FBRSL1: variants seen among roughly 807,000 people sequenced by gnomAD.
FBRSL1 encodes fibrosin like 1.
A neutral mutation model predicts 89.6 loss-of-function variants in FBRSL1; 51 were observed. That is an observed-to-expected ratio of 0.57 (90% CI 0.45 to 0.72). The LOEUF (loss-of-function observed/expected upper bound fraction) is 0.72, where lower values mean the gene tolerates loss of function less well. Among genes scored for constraint, FBRSL1 ranks in the 30% least tolerant of loss-of-function variants. The pLI, the probability that FBRSL1 is intolerant of heterozygous loss-of-function variation, is 0.00. For synonymous variants in FBRSL1, 779 were observed against 681.1 expected, an observed-to-expected ratio of 1.14 and a Z score of -2.24; for missense variants, 1,618 against 1,451.8, an observed-to-expected ratio of 1.11 and a Z score of -1.86.
In FBRSL1 at chr12:132,582,974, C is replaced by T. The variant is rs1381426998; in HGVS notation, c.2205C>T (p.Asp735=). ...GGGTCCGCCCTGCCGCCCCCAGGGA[C>T]CTCCTGGAGAAGACGCGCCTGCTGA... ...PDNGKEEQER[D]LLEKTRLLSR... is the part of the protein sequence containing the mutation. Residue 735 remains aspartate (D), a synonymous_variant, in exon 19 of 19, where the codon GAC becomes GAT. Transcript: ENST00000680143. 4.9e-6 allele frequency: 7 copies of T among 1,424,990 alleles called. No homozygotes were observed. The highest frequency in any genetic ancestry group is 1.4e-5 in the South Asian group (1 of 69,920). 88.3% of individuals were successfully genotyped at this position (1,424,990 alleles called of 1,614,324 possible).
intron 15 of FBRSL1, chr12:132,580,839 C>T (rs2040695509): frequency 1.0e-6 from 1 of 985,480 alleles, no homozygotes; most frequent in Non-Finnish European, 1.2e-6. Context: ...CCCTGACCAA[C>T]AGCACTGAAT....
intron 3 of FBRSL1, 121 bp downstream of exon 3, chr12:132,525,944 G>A (rs755722399): frequency 3.4e-5 from 27 of 790,168 alleles, no homozygotes; most frequent in East Asian, 8.2e-5. Context: ...GCACAAGGGC[G>A]TCCAGTCCGA....
intron 1 of FBRSL1, among the ~76,000 whole-genome samples, chr12:132,504,991 G>A (rs576654721): frequency 2.6e-5 from 4 of 152,292 alleles, no homozygotes; most frequent in African/African-American, 9.6e-5. Flanking sequence ...AATTAGCTGG[G>A]CGTGGTGACC....
At chr12:132,506,891 CAA>C (rs1343378403) in intron 1 of FBRSL1, 4 of 152,478 alleles carry the variant, frequency 2.6e-5, no homozygotes, top group East Asian at 1.9e-4. Context: ...CCGGAAACAG[CAA>C]AGAGTTGGAG....
chr12:132,501,572 G>A (rs541588757), intron 1 of FBRSL1, among the ~76,000 whole-genome samples: 1 of 152,206 alleles, frequency 6.6e-6, no homozygotes, highest in East Asian at 1.9e-4. Flanking sequence ...ACAGGGGCCA[G>A]TGTGGGCCAT....
At chr12:132,512,827 C>T (rs1414810832) in intron 2 of FBRSL1, among the ~76,000 whole-genome samples, 3 of 152,208 alleles carry the variant, frequency 2.0e-5, no homozygotes, top group African/African-American at 7.2e-5. Flanking sequence ...GTCCCTGTGG[C>T]CAACAGCTGG....
chr12:132,545,540 T>G (rs961539984), intron 4 of FBRSL1, among the ~76,000 whole-genome samples: 10 of 152,212 alleles, frequency 6.6e-5, no homozygotes, highest in African/African-American at 2.4e-4. Context: ...CTCCTTGCTG[T>G]TGGATGCATT....
At chr12:132,542,080 G>T (rs1261879693) in intron 4 of FBRSL1, among the ~76,000 whole-genome samples, 1 of 152,248 alleles carries the variant, frequency 6.6e-6, no homozygotes, top group Non-Finnish European at 1.5e-5. Flanking sequence ...CACATGCCAC[G>T]TACAGACATT....
In FBRSL1 at chr12:132,504,357, G is replaced by C. The variant is rs147702100; in HGVS notation, c.292-3796G>C. Among the ~76,000 whole-genome samples the C allele has an allele frequency of 2.6e-5, 4 of 152,348 alleles. No individual in the cohort carries two copies. The East Asian group carries it at 7.7e-4, about 29-fold the overall frequency. Reference sequence around the variant, plus strand: ...GCTGTATGGTAATGACATTAAGAGAGCCAAAAGCAGTCGCATAGAATTGCT... The same window carrying C: ...GCTGTATGGTAATGACATTAAGAGACCCAAAAGCAGTCGCATAGAATTGCT... On this transcript the variant is annotated intron_variant, in intron 1 of 18. Coordinates refer to ENST00000680143, the MANE Select transcript of FBRSL1 (RefSeq NM_001367871.1).
intron 11 of FBRSL1, among the ~76,000 whole-genome samples, chr12:132,573,675 G>A (rs1262867032): frequency 6.6e-6 from 1 of 152,062 alleles, no homozygotes; most frequent in African/African-American, 2.4e-5. Context: ...GGAGGGGGCT[G>A]TGGTGTGATG....
chr12:132,540,758 G>T (rs986512967), intron 4 of FBRSL1, among the ~76,000 whole-genome samples: 5 of 151,880 alleles, frequency 3.3e-5, no homozygotes, highest in African/African-American at 1.2e-4. Context: ...CTCACCCGGG[G>T]GGGCCCCTCC....
chr12:132,579,786 G>T (rs1451788327), intron 15 of FBRSL1, among the ~76,000 whole-genome samples: 1 of 152,178 alleles, frequency 6.6e-6, no homozygotes, highest in East Asian at 1.9e-4. Context: ...CTGCTCTCTG[G>T]AAGAGCTCTT....
intron 15 of FBRSL1, among the ~76,000 whole-genome samples, chr12:132,580,202 C>T (rs1252429029): frequency 5.3e-5 from 8 of 152,226 alleles, no homozygotes; most frequent in Non-Finnish European, 1.2e-4. Context: ...ATTCTCCTGC[C>T]TCAGCCTCCC....
At chr12:132,536,706 A>G (rs1257732546) in intron 4 of FBRSL1, among the ~76,000 whole-genome samples, 1 of 151,744 alleles carries the variant, frequency 6.6e-6, no homozygotes, top group Non-Finnish European at 1.5e-5. Flanking sequence ...CATGATGTAC[A>G]TGACAGTGTG....
intron 1 of FBRSL1, among the ~76,000 whole-genome samples, chr12:132,491,636 T>C (rs564758568): frequency 7.2e-5 from 11 of 152,322 alleles, no homozygotes; most frequent in African/African-American, 2.4e-4. Context: ...ATCACCCCAT[T>C]TCCAACCCCT....
chr12:132,545,392 A>G (rs1276152923), intron 4 of FBRSL1, among the ~76,000 whole-genome samples: 1 of 152,252 alleles, frequency 6.6e-6, no homozygotes, highest in African/African-American at 2.4e-5. Flanking sequence ...GCAGTTAAAC[A>G]TTAATTCAGT....
intron 6 of FBRSL1, among the ~76,000 whole-genome samples, chr12:132,569,216 T>TGGGGGGGGGGGGGGGGG (rs11328074): frequency 2.7e-5 from 2 of 73,030 alleles, no homozygotes; most frequent in Admixed American, 1.4e-4. Flanking sequence ...TGTGCGGGGG[T>TGGGGGGGGGGGGGGGGG]GGGGGGGGCA....
intron 16 of FBRSL1, 93 bp from the exon 17 acceptor site, chr12:132,581,648 A>G: frequency 6.8e-7 from 1 of 1,479,430 alleles, no homozygotes; most frequent in Non-Finnish European, 9.2e-7. Flanking sequence ...AGTACCCACC[A>G]GGCCCAAAGC....
intron 2 of FBRSL1, chr12:132,510,699 T>G: frequency 8.2e-7 from 1 of 1,219,678 alleles, no homozygotes; most frequent in Non-Finnish European, 1.0e-6. Context: ...AACCCGCGTC[T>G]GCCTGCCGCC....
Sources: gnomAD v4.1 joint callset for allele counts (sites outside exome capture counted in the v4.1 genomes callset) on GRCh38, gnomAD v4.1.1 for gene constraint, MANE v1.5 for transcripts, NCBI Gene and HGNC (gene_info 2026-07-23, HGNC 2026-07-21) for gene names.